The following MGAT4C variants were observed in gnomAD, a reference collection of about 807,000 sequenced individuals.
MGAT4C encodes the protein MGAT4 family member C.
A neutral mutation model predicts 40.1 loss-of-function variants in MGAT4C; 19 were observed. The ratio of observed to expected loss-of-function variants is 0.47; its 90% CI spans 0.33 to 0.70. The LOEUF (loss-of-function observed/expected upper bound fraction) is 0.70. MGAT4C is among the 30% of genes least tolerant of loss of function. MGAT4C has a pLI of 0.02. For missense variants in MGAT4C, 491 were observed against 563.2 expected, an observed-to-expected ratio of 0.87 and a Z score of 1.30; for synonymous variants, 181 against 187.1, an observed-to-expected ratio of 0.97 and a Z score of 0.27.
In MGAT4C at chr12:86,502,604, G is replaced by A. The variant is rs374663772; in HGVS notation, c.-228-67339C>T. Among the ~76,000 whole-genome samples, 19 of 80,204 alleles carry A rather than the reference G, an allele frequency of 2.4e-4. No individual in the cohort carries two copies. The East Asian group carries it at 4.2e-3, about 18-fold the overall frequency. The allele number at this position is 80,204 out of a possible 152,430, so 52.6% of individuals were successfully genotyped here. On this transcript the variant is annotated intron_variant, in intron 2 of 7. Coordinates refer to the MGAT4C transcript ENST00000548651. ...GGGAAAGCAGTGTTTGGAGGGTGAA[G>A]TTATATATATATGTATATATATATA...
intron 1 of MGAT4C, among the ~76,000 whole-genome samples, chr12:86,194,717 GCT>G (rs1423270097): frequency 6.6e-6 from 1 of 151,954 alleles, no homozygotes; most frequent in African/African-American, 2.4e-5. Context: ...ATCCGCCTCA[GCT>G]TCCCAAAGTG....
At chr12:86,687,805 T>G (rs1040803130) in intron 2 of MGAT4C, among the ~76,000 whole-genome samples, 1 of 152,204 alleles carries the variant, frequency 6.6e-6, no homozygotes, top group Non-Finnish European at 1.5e-5. Context: ...AGAATGTATA[T>G]TCCGTTGATT....
chr12:86,298,510 G>A (rs2136136786), intron 4 of MGAT4C, among the ~76,000 whole-genome samples: 1 of 152,124 alleles, frequency 6.6e-6, no homozygotes, highest in South Asian at 2.1e-4. Flanking sequence ...TGTCATAAAG[G>A]AAGCATCAAA....
chr12:86,429,357 G>C (rs146433650), intron 3 of MGAT4C, among the ~76,000 whole-genome samples: 7 of 152,238 alleles, frequency 4.6e-5, no homozygotes, highest in Non-Finnish European at 8.8e-5. Flanking sequence ...AAAATTTGCT[G>C]AGACTTGCTT....
intron 1 of MGAT4C, among the ~76,000 whole-genome samples, chr12:86,103,975 A>G (rs1875622459): frequency 6.6e-6 from 1 of 152,156 alleles, no homozygotes; most frequent in Non-Finnish European, 1.5e-5. Flanking sequence ...TTGACAAATT[A>G]TTGGAAGGTC....
intron 2 of MGAT4C, among the ~76,000 whole-genome samples, chr12:86,612,065 C>T (rs1159291530): frequency 6.6e-6 from 1 of 152,110 alleles, no homozygotes; most frequent in Non-Finnish European, 1.5e-5. Flanking sequence ...GAATATAATT[C>T]AAATTTTTGA....
chr12:86,522,508 T>A (rs1421383512), intron 2 of MGAT4C, among the ~76,000 whole-genome samples: 1 of 151,760 alleles, frequency 6.6e-6, no homozygotes, highest in Non-Finnish European at 1.5e-5. Context: ...TTTGCCAGAA[T>A]CTGAGGATGT....
rs919688732 is a variant in MGAT4C, at chr12:86,033,707, G to A, written c.-7+15967C>T. Among the ~76,000 whole-genome samples, 8 of 149,352 alleles carry A rather than the reference G, an allele frequency of 5.4e-5. 1 individual carries two copies. The highest frequency in any genetic ancestry group is 4.2e-4 in the South Asian group (2 of 4,752). ...ATCATATTCTCTGCAAAAACGGATC[G>A]TTTGACTTCCTCTCTTTCAATTACT... On this transcript the variant is annotated intron_variant, in intron 2 of 4. Transcript: ENST00000611864.
At chr12:86,681,993 G>C (rs922874133) in intron 2 of MGAT4C, among the ~76,000 whole-genome samples, 2 of 151,950 alleles carry the variant, frequency 1.3e-5, no homozygotes, top group Admixed American at 6.6e-5. Flanking sequence ...ATATAGCTTT[G>C]AAAGACAGCA....
chr12:86,527,414 A>G (rs1958903013), intron 2 of MGAT4C, among the ~76,000 whole-genome samples: 1 of 152,086 alleles, frequency 6.6e-6, no homozygotes, highest in African/African-American at 2.4e-5. Context: ...CATATATTTG[A>G]AGTCAGGTAA....
At position 85,978,982 on chromosome 12, in the gene MGAT4C, T is replaced by G. The variant is rs1266276540; in HGVS notation, c.*307A>C. On this transcript the variant is annotated 3_prime_UTR_variant, in exon 5 of 5. Transcript: ENST00000611864. ...TTTTCAAAAATCATCATCCAACAAA[T>G]TTTTTTCATTTAAAATCTTTCATAT... 1 of 188,566 alleles carries G rather than the reference T, an allele frequency of 5.3e-6. No homozygotes were observed. The highest frequency in any genetic ancestry group is 2.3e-5 in the African/African-American group (1 of 42,678). 11.7% of individuals were successfully genotyped at this position (188,566 alleles called of 1,614,324 possible).
chr12:86,489,338 T>A (rs1958084207), intron 2 of MGAT4C, among the ~76,000 whole-genome samples: 1 of 152,154 alleles, frequency 6.6e-6, no homozygotes, highest in Admixed American at 6.5e-5. Context: ...ATTCATCACC[T>A]TTCAGTTCAT....
intron 1 of MGAT4C, among the ~76,000 whole-genome samples, chr12:86,130,680 A>T (rs1430169277): frequency 6.6e-6 from 1 of 152,004 alleles, no homozygotes; most frequent in Non-Finnish European, 1.5e-5. Context: ...TTTCTGAAAT[A>T]GGTATGAGCT....
At chr12:86,305,222 C>G (rs940697827) in intron 4 of MGAT4C, among the ~76,000 whole-genome samples, 1 of 150,128 alleles carries the variant, frequency 6.7e-6, no homozygotes, top group Non-Finnish European at 1.5e-5. Flanking sequence ...GGCGGATCAC[C>G]TGAGGTTGGG....
At chr12:86,720,689 C>T (rs1950722303) in intron 2 of MGAT4C, among the ~76,000 whole-genome samples, 3 of 152,038 alleles carry the variant, frequency 2.0e-5, no homozygotes, top group Non-Finnish European at 1.5e-5. Context: ...TGATTTACGA[C>T]CTTAAGGCAC....
intron 1 of MGAT4C, among the ~76,000 whole-genome samples, chr12:86,799,981 T>A (rs979900895): frequency 4.6e-5 from 7 of 151,890 alleles, no homozygotes; most frequent in African/African-American, 1.7e-4. Context: ...AGTCAAAACA[T>A]GAAAATGGGT....
chr12:86,376,599 G>T (rs1955826425), intron 3 of MGAT4C, among the ~76,000 whole-genome samples: 1 of 151,758 alleles, frequency 6.6e-6, no homozygotes, highest in Non-Finnish European at 1.5e-5. Flanking sequence ...ACAAAAATTA[G>T]GTCACATGAC....
intron 2 of MGAT4C, among the ~76,000 whole-genome samples, chr12:86,487,511 G>A (rs981951265): frequency 3.3e-5 from 5 of 152,110 alleles, no homozygotes; most frequent in African/African-American, 4.8e-5. Flanking sequence ...AAGTATTTCC[G>A]AATTTTGATG....
chr12:86,480,296 T>C (rs952009601), intron 2 of MGAT4C, among the ~76,000 whole-genome samples: 1 of 151,730 alleles, frequency 6.6e-6, no homozygotes, highest in African/African-American at 2.4e-5. Context: ...AGGAAATATG[T>C]CTAGCTTTTA....
Sources: gnomAD v4.1 joint callset for allele counts (sites outside exome capture counted in the v4.1 genomes callset) on GRCh38, gnomAD v4.1.1 for gene constraint, MANE v1.5 for transcripts, NCBI Gene and HGNC (gene_info 2026-07-23, HGNC 2026-07-21) for gene names.